Variants in FBXW7 observed in about 807,000 individuals in gnomAD.
FBXW7 encodes the protein F-box/WD repeat-containing protein 7.
FBXW7 carries 11 observed loss-of-function variants against 86.3 expected under a neutral mutation model. The observed-to-expected ratio is 0.13, with a 90% CI of 0.08 to 0.21. The LOEUF is 0.21. Ranked by LOEUF, FBXW7 falls within the 10% of genes least tolerant of loss-of-function variation. The pLI is 1.00. For missense variants in FBXW7, 488 were observed against 847.4 expected (o/e 0.58, Z 5.27); for synonymous variants, 313 against 297.9 (o/e 1.05, Z -0.52).
intron 2 of FBXW7, among the ~76,000 whole-genome samples, chr4:152,512,687 C>T (rs745657742): frequency 7.2e-5 from 11 of 152,080 alleles, no homozygotes; most frequent in Non-Finnish European, 1.6e-4. Context: ...CTAAAATAGG[C>T]AAATCCATAG....
chr4:152,504,860 A>G (rs937658787), intron 2 of FBXW7, among the ~76,000 whole-genome samples: 2 of 152,210 alleles, frequency 1.3e-5, no homozygotes, highest in African/African-American at 2.4e-5. Flanking sequence ...TCATGGCTCC[A>G]TCAGGCTAAA....
chr4:152,510,704 G>A (rs966810810), intron 2 of FBXW7, among the ~76,000 whole-genome samples: 1 of 152,110 alleles, frequency 6.6e-6, no homozygotes, highest in Non-Finnish European at 1.5e-5. Context: ...AAAAGACAGT[G>A]ACTGGGAAAA....
At chr4:152,515,530 G>A (rs1338117724) in intron 2 of FBXW7, among the ~76,000 whole-genome samples, 2 of 152,162 alleles carry the variant, frequency 1.3e-5, no homozygotes, top group African/African-American at 2.4e-5. Flanking sequence ...TTGCAAATTG[G>A]GTAATGGCAG....
intron 7 of FBXW7, among the ~76,000 whole-genome samples, chr4:152,334,423 T>C (rs1329127188): frequency 6.6e-6 from 1 of 152,220 alleles, no homozygotes; most frequent in Non-Finnish European, 1.5e-5. Context: ...CCATTACTAA[T>C]CTATGTGGAA....
At chr4:152,462,025 A>G (rs1233192664) in intron 2 of FBXW7, among the ~76,000 whole-genome samples, 2 of 152,154 alleles carry the variant, frequency 1.3e-5, no homozygotes, top group African/African-American at 4.8e-5. Context: ...TTAAGTGAGG[A>G]CTTACTGTGT....
At chr4:152,356,838 T>C (rs917124760) in intron 4 of FBXW7, among the ~76,000 whole-genome samples, 6 of 152,198 alleles carry the variant, frequency 3.9e-5, no homozygotes, top group Non-Finnish European at 8.8e-5. Context: ...GGTGGCAGTA[T>C]TGGCCAATAA....
chr4:152,390,026 A>T (rs904917666), intron 4 of FBXW7, among the ~76,000 whole-genome samples: 1 of 152,024 alleles, frequency 6.6e-6, no homozygotes, highest in African/African-American at 2.4e-5. Flanking sequence ...TTTTAAAAAA[A>T]TTTTTAAAAG....
intron 4 of FBXW7, among the ~76,000 whole-genome samples, chr4:152,384,946 T>C (rs925709669): frequency 1.3e-5 from 2 of 152,066 alleles, no homozygotes; most frequent in African/African-American, 4.8e-5. Flanking sequence ...TCTCCTCAGA[T>C]GTTCACTTTA....
At chr4:152,344,529 TAC>T (rs1445793467) in intron 6 of FBXW7, among the ~76,000 whole-genome samples, 6 of 151,402 alleles carry the variant, frequency 4.0e-5, no homozygotes, top group Non-Finnish European at 7.4e-5. Context: ...GCTTATTGAA[TAC>T]AGTTTTTTTT....
chr4:152,531,391 G>A (rs1278626858), intron 2 of FBXW7, among the ~76,000 whole-genome samples: 1 of 152,046 alleles, frequency 6.6e-6, no homozygotes, highest in African/African-American at 2.4e-5. Flanking sequence ...TCACTGTTAA[G>A]AAGTCAGAGA....
intron 4 of FBXW7, among the ~76,000 whole-genome samples, chr4:152,397,695 C>CAAAAAAA (rs397995836): frequency 1.8e-4 from 11 of 60,376 alleles, no homozygotes; most frequent in East Asian, 4.7e-4. Flanking sequence ...CCTAAGAAGC[C>CAAAAAAA]AAAAAAAAAA....
intron 4 of FBXW7, among the ~76,000 whole-genome samples, chr4:152,408,088 G>A (rs1351607801): frequency 6.6e-6 from 1 of 152,120 alleles, no homozygotes; most frequent in Non-Finnish European, 1.5e-5. Flanking sequence ...TAACAATCAA[G>A]ATGGGAAAAA....
chr4:152,367,375 A>G (rs1733586405), intron 4 of FBXW7, among the ~76,000 whole-genome samples: 1 of 152,096 alleles, frequency 6.6e-6, no homozygotes, highest in South Asian at 2.1e-4. Context: ...TTAAAATTAA[A>G]TTGAATACTA....
chr4:152,486,750 G>C (rs1338681994), intron 2 of FBXW7, among the ~76,000 whole-genome samples: 1 of 151,902 alleles, frequency 6.6e-6, no homozygotes, highest in East Asian at 1.9e-4. Flanking sequence ...AAAAAGTATA[G>C]CATAGTAAAT....
chr4:152,418,264 T>C (rs1738632303), intron 2 of FBXW7, among the ~76,000 whole-genome samples: 1 of 151,616 alleles, frequency 6.6e-6, no homozygotes, highest in African/African-American at 2.4e-5. Context: ...ACTTAAACAT[T>C]AATGGCTGTA....
intron 2 of FBXW7, among the ~76,000 whole-genome samples, chr4:152,433,796 C>G (rs1740124454): frequency 6.6e-6 from 1 of 152,060 alleles, no homozygotes; most frequent in Non-Finnish European, 1.5e-5. Flanking sequence ...GTTTAAAAAT[C>G]TATATTCACT....
At chr4:152,486,216 G>A (rs1200968123) in intron 2 of FBXW7, among the ~76,000 whole-genome samples, 1 of 152,168 alleles carries the variant, frequency 6.6e-6, no homozygotes, top group Non-Finnish European at 1.5e-5. Flanking sequence ...TGAGTGAAGA[G>A]TGAATGTGAA....
Position 152,404,383 on chromosome 4 carries a change from T to C in FBXW7, c.501+6920A>G, listed in dbSNP as rs560567361. 5.9e-5 allele frequency among the ~76,000 whole-genome samples: 9 copies of C among 152,318 alleles called. No homozygotes were observed. In the South Asian group the frequency reaches 1.9e-3, roughly 32 times the overall value. On this transcript the variant is annotated intron_variant, in intron 4 of 13. Coordinates refer to ENST00000281708, the MANE Select transcript of FBXW7 (RefSeq NM_001349798.2). ...AAAATGTATTTAAGAAAAAATAACC[T>C]TTTATTCAACCACATTCAGAGATAA...
chr4:152,513,707 T>A, intron 2 of FBXW7, among the ~76,000 whole-genome samples: 1 of 152,338 alleles, frequency 6.6e-6, no homozygotes, highest in Admixed American at 6.5e-5. Flanking sequence ...ACTTGTATAA[T>A]GAAAATGTAT....
Sources: gnomAD v4.1 joint callset for allele counts (sites outside exome capture counted in the v4.1 genomes callset) on GRCh38, gnomAD v4.1.1 for gene constraint, MANE v1.5 for transcripts, NCBI Gene and HGNC (gene_info 2026-07-23, HGNC 2026-07-21) for gene names.